Variants in THBS4 observed in about 807,000 individuals in gnomAD.
THBS4 encodes the protein thrombospondin 4, also known as thrombospondin-4.
In THBS4, 90 loss-of-function variants were observed where a neutral mutation model predicts 115.7. The ratio of observed to expected loss-of-function variants is 0.78; its 90% CI spans 0.66 to 0.93. The LOEUF is 0.93. Among genes scored for constraint, THBS4 ranks in the 40% least tolerant of loss-of-function variants. THBS4 has a pLI of 0.00. For missense variants in THBS4, 1,087 were observed against 1,232.7 expected, an observed-to-expected ratio of 0.88 and a Z score of 1.77; for synonymous variants, 460 against 479.3, an observed-to-expected ratio of 0.96 and a Z score of 0.53.
intron 2 of THBS4, among the ~76,000 whole-genome samples, chr5:80,043,952 C>T (rs1832982999): frequency 6.6e-6 from 1 of 152,194 alleles, no homozygotes. Context: ...CTCCATGCAG[C>T]CTGAGCTTCA....
rs759288555 is a variant in THBS4, at chr5:80,078,193, C to T, written c.2231C>T (p.Ala744Val). ...QTVVLDPEGD[A>V]QIDPNWVVLN... ...GTGGTCCTGGATCCTGAAGGGGATGCCCAGATCGATCCCAACTGGGTGGTC... is the reference window on the plus strand; with the variant it reads ...GTGGTCCTGGATCCTGAAGGGGATGTCCAGATCGATCCCAACTGGGTGGTC... The change falls in exon 17 of 22, where the codon GCC becomes GTC. Residue 744 changes from alanine (A) to valine (V), a missense_variant. This residue lies in a region of THBS4 where 979 missense variants were observed against 1,103.7 expected (regional missense o/e 0.89). Transcript: ENST00000350881. 2 of 1,604,276 alleles carry T rather than the reference C, an allele frequency of 1.2e-6. No homozygotes were observed.
rs188622935 is a variant in THBS4, at chr5:80,049,314, G to A, written c.293-6471G>A. ...ACTGGGCTATGTGGTTCCTGTGTCCGGCTGGTCCCAAGCATGGAAATGTAG... is the reference window on the plus strand; with the variant it reads ...ACTGGGCTATGTGGTTCCTGTGTCCAGCTGGTCCCAAGCATGGAAATGTAG... On this transcript the variant is annotated intron_variant, in intron 2 of 21. Coordinates refer to ENST00000350881, the MANE Select transcript of THBS4 (RefSeq NM_003248.6). Among the ~76,000 whole-genome samples the A allele has an allele frequency of 2.3e-3, 352 of 152,198 alleles. 2 individuals carry two copies. The highest frequency in any genetic ancestry group is 4.6e-3 in the African/African-American group (190 of 41,514).
rs73772219 is a variant in THBS4 at position 80,074,067 on chromosome 5, G to A, written c.1892+740G>A. Reference sequence around the variant, plus strand: ...CTCATAGGACCATCGTGAAGATTGAGTTGATCCATGGAAAGTGCTCATTAT... The same window carrying A: ...CTCATAGGACCATCGTGAAGATTGAATTGATCCATGGAAAGTGCTCATTAT... On this transcript the variant is annotated intron_variant, in intron 15 of 21. Coordinates refer to ENST00000350881, the MANE Select transcript of THBS4 (RefSeq NM_003248.6). Among the ~76,000 whole-genome samples the A allele has an allele frequency of 7.7e-3, 1,168 of 152,284 alleles. 20 individuals are homozygous for A. The highest frequency in any genetic ancestry group is 0.027 in the African/African-American group (1,119 of 41,550).
At chr5:80,054,488 T>C (rs994405689) in intron 2 of THBS4, among the ~76,000 whole-genome samples, 1 of 152,028 alleles carries the variant, frequency 6.6e-6, no homozygotes, top group African/African-American at 2.4e-5. Flanking sequence ...GCCTGGCTAA[T>C]TTTTGTATTT....
chr5:80,080,691 A>T (rs6891246), intron 20 of THBS4, among the ~76,000 whole-genome samples: 35,682 of 145,952 alleles, frequency 0.24, 4,965 homozygotes, highest in East Asian at 0.4. Context: ...GGTTCAAGTG[A>T]TTCTTCTGCC....
In THBS4 at chr5:80,079,138, C is replaced by G. The variant is rs1309176971; in HGVS notation, c.2391C>G (p.Gly797=). 6.2e-7 allele frequency: 1 copy of G among 1,614,156 alleles called. No individual in the cohort carries two copies. Among genetic ancestry groups the G allele is most frequent in the Non-Finnish European group, 8.5e-7 (1 of 1,180,020 alleles). The change falls in exon 19 of 22, where the codon GGC becomes GGG. Residue 797 remains glycine (G), a synonymous_variant. Coordinates refer to ENST00000350881, the MANE Select transcript of THBS4 (RefSeq NM_003248.6). ...VNTQTDDDYA[G]FIFGYQDSSS... ...CCCAGACAGATGATGACTATGCAGG[C>G]TTTATCTTTGGCTACCAAGATAGCT...
At chr5:80,008,943 G>C (rs2151153418) in intron 2 of THBS4, among the ~76,000 whole-genome samples, 1 of 152,342 alleles carries the variant, frequency 6.6e-6, no homozygotes, top group Non-Finnish European at 1.5e-5. Flanking sequence ...GAAGAAAGAA[G>C]AGGAAAGCCA....
chr5:80,052,155 T>C (rs1833276721), intron 2 of THBS4, among the ~76,000 whole-genome samples: 1 of 152,210 alleles, frequency 6.6e-6, no homozygotes, highest in African/African-American at 2.4e-5. Context: ...AATAGAAGTT[T>C]TTTAAAAATT....
chr5:80,058,172 C>A, intron 3 of THBS4, 34 bp from the exon 4 acceptor site: 2 of 1,517,430 alleles, frequency 1.3e-6, no homozygotes, highest in Admixed American at 2.0e-5. Flanking sequence ...TGAACAGTGT[C>A]AGCAATCTGT....
chr5:80,076,838 T>C lies in THBS4; in HGVS notation c.1893-17T>C. 1 of 1,543,442 alleles carries C rather than the reference T, an allele frequency of 6.5e-7. No homozygotes were observed. Among genetic ancestry groups the C allele is most frequent in the Non-Finnish European group, 8.8e-7 (1 of 1,141,730 alleles). ...CTGCTGAACTGTGAGCCACATCACC[T>C]GTCCTTTCTCCTGCAGTGATGGAGA... On this transcript the variant is annotated splice_polypyrimidine_tract_variant and intron_variant, in intron 15 of 21. Transcript: ENST00000350881.
At position 80,068,144 on chromosome 5, in the gene THBS4, TCC is replaced by T. The variant is rs772166655; in HGVS notation, c.1347+20_1347+21del. 8 of 1,612,432 alleles carry T rather than the reference TCC, an allele frequency of 5.0e-6. No individual in the cohort carries two copies. Among genetic ancestry groups the T allele is most frequent in the Non-Finnish European group, 6.8e-6 (8 of 1,179,022 alleles). Reference sequence around the variant, plus strand: ...ATGTGTGGTAAGTTGTTTTTTGACTTCCTCTATCATTTTTCCTCTTCCATTTT... The same window carrying T: ...ATGTGTGGTAAGTTGTTTTTTGACTTTCTATCATTTTTCCTCTTCCATTTT... On this transcript the variant is annotated intron_variant, in intron 10 of 21. Coordinates refer to ENST00000350881, the MANE Select transcript of THBS4 (RefSeq NM_003248.6).
intron 2 of THBS4, among the ~76,000 whole-genome samples, chr5:80,008,810 C>G (rs1317077663): frequency 6.6e-6 from 1 of 152,124 alleles, no homozygotes; most frequent in South Asian, 2.1e-4. Context: ...TGTCAGATGT[C>G]TGGTGGGGAG....
chr5:79,997,373 AAGT>A (rs891745734), intron 1 of THBS4, among the ~76,000 whole-genome samples: 1 of 152,078 alleles, frequency 6.6e-6, no homozygotes, highest in Admixed American at 6.5e-5. Context: ...AGGAAAAAAA[AAGT>A]AGTATGCGTG....
chr5:80,020,631 C>T (rs994192600), intron 2 of THBS4, among the ~76,000 whole-genome samples: 1 of 152,158 alleles, frequency 6.6e-6, no homozygotes, highest in Non-Finnish European at 1.5e-5. Flanking sequence ...GCAGTCAGCC[C>T]TGTCTTCCTC....
At chr5:80,068,270 G>A in intron 10 of THBS4, 145 bp downstream of exon 10, 1 of 1,036,518 alleles carries the variant, frequency 9.6e-7, no homozygotes, top group Non-Finnish European at 1.4e-6. Context: ...TAGGAACAGG[G>A]TCCACCGAGT....
At chr5:80,002,189 G>A (rs1429486264) in intron 2 of THBS4, among the ~76,000 whole-genome samples, 1 of 152,088 alleles carries the variant, frequency 6.6e-6, no homozygotes. Flanking sequence ...ACACTGGTGG[G>A]TACCCTACAA....
At position 80,071,162 on chromosome 5, in the gene THBS4, G is replaced by A. The variant is rs77966872; in HGVS notation, c.1702G>A (p.Asp568Asn). Residue 568 changes from aspartate (D) to asparagine (N), a missense_variant, in exon 13 of 22, where the codon GAT becomes AAT. Physicochemically the swap from Asp to Asn is conservative, Grantham distance 23. Around this residue, in one of 3 missense-constraint regions of THBS4, gnomAD observed 979 missense variants for 1,103.7 expected, o/e 0.89. Transcript: ENST00000350881. ...DGDGRGDACD[D>N]DMDGDGIKNI... ...GGATGGAAGAGGAGATGCCTGTGAT[G>A]ATGACATGGATGGAGATGGTAGATT... is the stretch of plus-strand genomic sequence containing the variant. 3.7e-5 allele frequency: 58 copies of A among 1,586,352 alleles called. 1 individual carries two copies. In the East Asian group the frequency reaches 1.3e-3, roughly 34 times the overall value.
At chr5:80,002,379 G>A (rs1048120650) in intron 2 of THBS4, among the ~76,000 whole-genome samples, 12 of 152,016 alleles carry the variant, frequency 7.9e-5, no homozygotes, top group Non-Finnish European at 1.5e-4. Context: ...ATGGATGTCA[G>A]GGGAGACCCA....
At chr5:80,032,802 G>T (rs949833254), upstream of THBS4, among the ~76,000 whole-genome samples, 1 of 152,106 alleles carries the variant, frequency 6.6e-6, no homozygotes, top group African/African-American at 2.4e-5. Flanking sequence ...ATTGAGGGTG[G>T]GTCCGCCTTT....
Sources: allele counts gnomAD v4.1 joint callset (sites outside exome capture counted in the v4.1 genomes callset), GRCh38; gene constraint gnomAD v4.1.1; regional missense constraint gnomAD v4.1.1; transcripts MANE v1.5; gene names NCBI Gene and HGNC (gene_info 2026-07-23, HGNC 2026-07-21).